Variants in DYSF observed in about 807,000 individuals in gnomAD.
DYSF encodes dysferlin.
Under a neutral mutation model 274.9 loss-of-function variants are expected in DYSF, and 212 were observed. The observed-to-expected ratio is 0.77, with a 90% CI of 0.69 to 0.86. The LOEUF is 0.86. Among genes scored for constraint, DYSF ranks in the 40% least tolerant of loss-of-function variants. The pLI, the probability that DYSF is intolerant of heterozygous loss-of-function variation, is 0.00. For synonymous variants in DYSF, 1,091 were observed against 1,078.7 expected (o/e 1.01, Z -0.22); for missense variants, 2,666 against 2,783.2 (o/e 0.96, Z 0.95).
upstream of DYSF, among the ~76,000 whole-genome samples, chr2:71,465,969 A>G (rs1339766017): frequency 2.0e-5 from 3 of 152,218 alleles, no homozygotes; most frequent in East Asian, 5.8e-4. Flanking sequence ...CCGCAGCTGG[A>G]CCCTAGTTCT....
At chr2:71,536,144 G>A (rs1432855350) in intron 16 of DYSF, among the ~76,000 whole-genome samples, 3 of 152,216 alleles carry the variant, frequency 2.0e-5, no homozygotes, top group Non-Finnish European at 4.4e-5. Flanking sequence ...GTCCACACGT[G>A]TGATCTCAGG....
At chr2:71,573,786 C>A (rs1471597641) in intron 29 of DYSF, among the ~76,000 whole-genome samples, 2 of 152,022 alleles carry the variant, frequency 1.3e-5, no homozygotes, top group Non-Finnish European at 2.9e-5. Context: ...GCCCATGGAG[C>A]CTCCTCTCCC....
At chr2:71,669,003 A>T in intron 49 of DYSF, 109 bp from the exon 50 acceptor site, 1 of 1,278,922 alleles carries the variant, frequency 7.8e-7, no homozygotes, top group Non-Finnish European at 1.1e-6. Context: ...CCAGCCAGGC[A>T]GGCATCGAGT....
chr2:71,501,434 G>A (rs746716230), intron 3 of DYSF, among the ~76,000 whole-genome samples: 7 of 152,116 alleles, frequency 4.6e-5, no homozygotes, highest in African/African-American at 7.2e-5. Context: ...CGACATAAAC[G>A]CTACCATTTT....
At position 71,513,265 on chromosome 2, in the gene DYSF, T is replaced by G. The variant is rs763228728; in HGVS notation, c.486T>G (p.Thr162=). 26 of 1,551,418 alleles carry G rather than the reference T, an allele frequency of 1.7e-5. No homozygotes were observed. The highest frequency in any genetic ancestry group is 2.3e-5 in the Non-Finnish European group (26 of 1,146,950). Residue 162 remains threonine (T), a synonymous_variant, in exon 6 of 56, where the codon ACT becomes ACG. Coordinates refer to ENST00000410020, the MANE Select transcript of DYSF (RefSeq NM_001130987.2). The part of the protein sequence containing the change: ...VAGGGQSRAE[T]WSLLSDSTMD... ...GCGGGGGACAGAGCCGGGCCGAGAC[T>G]TGGTCCCTGCTCAGTGACAGCACCA... is the stretch of plus-strand genomic sequence containing the variant.
chr2:71,549,272 T>A, intron 17 of DYSF: 1 of 1,437,786 alleles, frequency 7.0e-7, no homozygotes, highest in Non-Finnish European at 9.7e-7. Flanking sequence ...CAGCTCTCCA[T>A]CCACAGCCTG....
chr2:71,546,966 A>G lies in DYSF; in HGVS notation c.1577-4075A>G, dbSNP rs547685083. ...ACTGGGCTGGGAGGTCCTGCTGTCT[A>G]TCTCCTTCAGCTTCCCCCAGGTGAG... is the stretch of plus-strand genomic sequence containing the variant. On this transcript the variant is annotated intron_variant, in intron 17 of 55. Transcript: ENST00000410020. Among the ~76,000 whole-genome samples, 128 of 152,266 alleles carry G rather than the reference A, an allele frequency of 8.4e-4. 3 individuals are homozygous for G. The South Asian group carries it at 0.026, about 31-fold the overall frequency.
At chr2:71,598,522 C>A (rs2152855642) in intron 32 of DYSF, 42 bp from the exon 33 acceptor site, 2 of 1,611,792 alleles carry the variant, frequency 1.2e-6, no homozygotes, top group South Asian at 2.2e-5. Flanking sequence ...CTCAGGGTCC[C>A]TGCTGTGTCC....
chr2:71,534,937 T>A (rs2089154566), intron 14 of DYSF, 84 bp from the exon 15 acceptor site: 2 of 1,439,592 alleles, frequency 1.4e-6, no homozygotes, highest in African/African-American at 2.8e-5. Context: ...TGGCAGAGAA[T>A]GGTCACTGGC....
intron 22 of DYSF, 63 bp downstream of exon 22, chr2:71,556,134 G>A: frequency 7.2e-7 from 1 of 1,391,244 alleles, no homozygotes; most frequent in Admixed American, 2.0e-5. Context: ...TGTTTCGCTG[G>A]GAGTGCTCGT....
intron 33 of DYSF, 77 bp from the exon 34 acceptor site, chr2:71,600,625 G>A: frequency 1.2e-6 from 2 of 1,605,200 alleles, no homozygotes; most frequent in Non-Finnish European, 1.7e-6. Flanking sequence ...GAAGGCACAT[G>A]TAGACCTGAT....
At chr2:71,505,479 G>T (rs550147260) in intron 4 of DYSF, among the ~76,000 whole-genome samples, 5 of 152,344 alleles carry the variant, frequency 3.3e-5, no homozygotes, top group African/African-American at 7.2e-5. Flanking sequence ...GGATCCTTAG[G>T]AAACTCTGGC....
rs746480529 is a variant in DYSF, at chr2:71,553,892, C to G, written c.2070C>G (p.Ile690Met). ...ACTGGGAGGACATCAGCCATAGAAT[C>G]GAGACTCAGAACCAGCTGCTTGGGA... Reference protein sequence around the residue: ...SSYWEDISHRIETQNQLLGIA... With the variant: ...SSYWEDISHRMETQNQLLGIA... Residue 690 changes from isoleucine (I) to methionine (M), a missense_variant, in exon 21 of 56, where the codon ATC (isoleucine) becomes ATG (methionine). Ile to Met is a conservative substitution (Grantham distance 10). This residue lies in a region of DYSF where 412 missense variants were observed against 504.0 expected (regional missense o/e 0.82). Coordinates refer to ENST00000410020, the MANE Select transcript of DYSF (RefSeq NM_001130987.2). 5.6e-6 allele frequency: 9 copies of G among 1,614,014 alleles called. No homozygotes were observed. The African/African-American group carries it at 1.1e-4, about 19-fold the overall frequency.
chr2:71,616,266 A>T lies in DYSF; in HGVS notation c.4464+2856A>T, dbSNP rs1002233693. On this transcript the variant is annotated intron_variant, in intron 40 of 55. Coordinates refer to ENST00000410020, the MANE Select transcript of DYSF (RefSeq NM_001130987.2). ...CTGTGCTCAGCATCCCAGGGCTCGT[A>T]GATCAGTGTCTGTCTCTAAGGGTAA... Among the ~76,000 whole-genome samples the T allele has an allele frequency of 3.3e-5, 5 of 152,122 alleles. No individual in the cohort carries two copies. In the East Asian group the frequency reaches 9.6e-4, roughly 29 times the overall value.
At chr2:71,588,884 A>T (rs754900340) in intron 30 of DYSF, 1 of 154,078 alleles carries the variant, frequency 6.5e-6, no homozygotes, top group Non-Finnish European at 1.4e-5. Context: ...GAGGAAGTGC[A>T]TCGGAGAGCT....
intron 18 of DYSF, 29 bp from the exon 19 acceptor site, chr2:71,551,577 CT>C: frequency 6.3e-7 from 1 of 1,576,578 alleles, no homozygotes; most frequent in Non-Finnish European, 8.6e-7. Context: ...TCTGTCTCCC[CT>C]GCTCCTTGTG....
chr2:71,500,011 G>A (rs1238865622), intron 3 of DYSF, among the ~76,000 whole-genome samples: 1 of 152,150 alleles, frequency 6.6e-6, no homozygotes, highest in South Asian at 2.1e-4. Context: ...GGTTGGTGCC[G>A]ACTGAGAGTG....
chr2:71,524,750 T>G (rs114530745), intron 12 of DYSF, among the ~76,000 whole-genome samples: 2,112 of 152,348 alleles, frequency 0.014, 50 homozygotes, highest in African/African-American at 0.048. Flanking sequence ...ATGAGTTGCC[T>G]CCTCGTCTGG....
At chr2:71,608,471 G>A (rs921091091) in intron 36 of DYSF, among the ~76,000 whole-genome samples, 1 of 152,104 alleles carries the variant, frequency 6.6e-6, no homozygotes, top group East Asian at 1.9e-4. Context: ...ATGGCCTTGG[G>A]ATGCATGCTG....
Sources: allele counts gnomAD v4.1 joint callset (sites outside exome capture counted in the v4.1 genomes callset), GRCh38; gene constraint gnomAD v4.1.1; regional missense constraint gnomAD v4.1.1; transcripts MANE v1.5; gene names NCBI Gene and HGNC (gene_info 2026-07-23, HGNC 2026-07-21).